Variants in QSOX1 observed in about 807,000 individuals in gnomAD.
QSOX1 encodes the protein sulfhydryl oxidase 1.
QSOX1 carries 40 observed loss-of-function variants against 76.1 expected under a neutral mutation model. The ratio of observed to expected loss-of-function variants is 0.53; its 90% CI spans 0.41 to 0.68. QSOX1 has a LOEUF of 0.68. Among genes scored for constraint, QSOX1 ranks in the 30% least tolerant of loss-of-function variants. QSOX1 has a pLI of 0.00. For missense variants in QSOX1, 931 were observed against 974.3 expected (o/e 0.96, Z 0.59); for synonymous variants, 392 against 413.1 (o/e 0.95, Z 0.62).
rs1663605373 is a variant in QSOX1 at position 180,200,192 on chromosome 1, T to C, written c.*3155T>C. 1 of 152,188 alleles carries C rather than the reference T, an allele frequency of 6.6e-6. No homozygotes were observed. Among genetic ancestry groups the C allele is most frequent in the South Asian group, 2.1e-4 (1 of 4,826 alleles). 9.4% of individuals were successfully genotyped at this position (152,188 alleles called of 1,614,324 possible). A position where few individuals can be genotyped will look rare whatever the true frequency, so the allele number is the denominator to read the frequency against. On this transcript the variant is annotated 3_prime_UTR_variant, in exon 12 of 12. Transcript: ENST00000367602. ...GTGTGACTTTGGGCAAGATAACTTA[T>C]CCCCTTGTCCCCATGTGTCATTGGA... is the stretch of plus-strand genomic sequence containing the variant.
chr1:180,194,204 G>A lies in QSOX1; in HGVS notation c.1289-9G>A. The A allele has an allele frequency of 1.9e-6, 3 of 1,609,214 alleles. No individual in the cohort carries two copies. Among genetic ancestry groups the A allele is most frequent in the South Asian group, 1.1e-5 (1 of 90,544 alleles). ...AGGGCTGGTGCGTGGCATCTCCTCT[G>A]CCCTGTAGCCAAGGCCAAGGAGGTC... is the stretch of plus-strand genomic sequence containing the variant. On this transcript the variant is annotated splice_polypyrimidine_tract_variant and intron_variant, in intron 10 of 11. Transcript: ENST00000367602.
At chr1:180,157,481 C>A (rs2149228112) in intron 1 of QSOX1, among the ~76,000 whole-genome samples, 1 of 152,296 alleles carries the variant, frequency 6.6e-6, no homozygotes, top group East Asian at 1.9e-4. Context: ...GAGTACTGCC[C>A]ATGCTCTCTG....
rs947888255 is a variant in QSOX1, at chr1:180,196,557, C to A, written c.1764C>A (p.Ser588=). ...LDPGKPEMMK[S]PTNTTPHVPA... is the part of the protein sequence containing the mutation. ...CTGGGAAGCCTGAGATGATGAAGTC[C>A]CCCACAAACACCACCCCACATGTGC... is the stretch of plus-strand genomic sequence containing the variant. The change falls in exon 12 of 12, where the codon TCC becomes TCA. Residue 588 remains serine (S), a synonymous_variant. Coordinates refer to ENST00000367602, the MANE Select transcript of QSOX1 (RefSeq NM_002826.5). This position sits in a 1 kb window ranked among gnomAD's most constrained non-coding sequence, Gnocchi z 4.1. The A allele has an allele frequency of 1.7e-5, 27 of 1,614,180 alleles. No individual in the cohort carries two copies. The highest frequency in any genetic ancestry group is 2.2e-5 in the Non-Finnish European group (26 of 1,180,026).
chr1:180,155,277 C>A lies in QSOX1; in HGVS notation c.265+105C>A, dbSNP rs557062458. On this transcript the variant is annotated intron_variant, in intron 1 of 11. Transcript: ENST00000367602. ...CGGGAGCGCGTCCCTCTTCCAGTCA[C>A]CTCCGCCCACCTCTTCCTCTCCGCG... The A allele has an allele frequency of 7.3e-5, 75 of 1,028,218 alleles. No individual in the cohort carries two copies. In the South Asian group the frequency reaches 8.9e-4, roughly 12 times the overall value. The allele number at this position is 1,028,218 out of a possible 1,614,324, so 63.7% of individuals were successfully genotyped here. A position where few individuals can be genotyped will look rare whatever the true frequency, so the allele number is the denominator to read the frequency against.
In QSOX1 at chr1:180,198,519, A is replaced by G. The variant is rs1007334657; in HGVS notation, c.*1482A>G. 2.5e-6 allele frequency: 1 copy of G among 407,842 alleles called. No individual in the cohort carries two copies. Among genetic ancestry groups the G allele is most frequent in the African/African-American group, 2.0e-5 (1 of 48,982 alleles). The allele number at this position is 407,842 out of a possible 1,614,324, so 25.3% of individuals were successfully genotyped here. On this transcript the variant is annotated 3_prime_UTR_variant, in exon 12 of 12. Transcript: ENST00000367602. ...TCAATCCGATTTGGTTTTCTCTTTG[A>G]CATCTTCACTCTGCTCAGATGGCCT...
At chr1:180,184,886 G>C (rs1007664977) in intron 7 of QSOX1, among the ~76,000 whole-genome samples, 16 of 152,230 alleles carry the variant, frequency 1.1e-4, no homozygotes, top group Non-Finnish European at 2.2e-4. Flanking sequence ...AGGAAAGAGA[G>C]AGTGAGGGGT....
At chr1:180,158,320 C>T (rs1397354413) in intron 1 of QSOX1, among the ~76,000 whole-genome samples, 1 of 152,166 alleles carries the variant, frequency 6.6e-6, no homozygotes, top group East Asian at 1.9e-4. Flanking sequence ...TTGGTTTTGC[C>T]CCCCTTCTCT....
At chr1:180,166,660 A>C in intron 2 of QSOX1, 69 bp downstream of exon 2, 1 of 1,452,208 alleles carries the variant, frequency 6.9e-7, no homozygotes. Flanking sequence ...GAAAGGGACC[A>C]TGTGGGATGT....
At chr1:180,174,503 G>A (rs1422014604) in intron 2 of QSOX1, among the ~76,000 whole-genome samples, 1 of 152,188 alleles carries the variant, frequency 6.6e-6, no homozygotes, top group East Asian at 1.9e-4. Context: ...GGGACTTAGT[G>A]GACAGAGACA....
At chr1:180,163,693 G>A (rs549069257) in intron 1 of QSOX1, among the ~76,000 whole-genome samples, 171 of 152,244 alleles carry the variant, frequency 1.1e-3, no homozygotes, top group African/African-American at 3.8e-3. Flanking sequence ...TAAAATAACC[G>A]TAAGAGGAGG....
chr1:180,168,977 G>A (rs531511716), intron 2 of QSOX1, among the ~76,000 whole-genome samples: 76 of 152,332 alleles, frequency 5.0e-4, no homozygotes, highest in African/African-American at 1.8e-3. Context: ...GGTATGATGG[G>A]GACAGGCCCA....
At chr1:180,178,764 CAG>C (rs1251159124) in intron 4 of QSOX1, 28 bp from the exon 5 acceptor site, 22 of 1,593,992 alleles carry the variant, frequency 1.4e-5, no homozygotes, top group African/African-American at 6.7e-5. Context: ...GCTGGCTGTG[CAG>C]AGTGACTGCC....
At chr1:180,194,537 C>A in intron 11 of QSOX1, 145 bp downstream of exon 11, 1 of 720,724 alleles carries the variant, frequency 1.4e-6, no homozygotes, top group Non-Finnish European at 2.1e-6. Context: ...ATGCCAGTAT[C>A]ATCAGCCCCA....
At chr1:180,186,328 C>A in intron 8 of QSOX1, 146 bp downstream of exon 8, 1 of 1,131,110 alleles carries the variant, frequency 8.8e-7, no homozygotes, top group Non-Finnish European at 1.2e-6. Flanking sequence ...CCCTGTCCAC[C>A]ATAGGTGATA....
At chr1:180,192,277 C>G (rs924297312) in intron 10 of QSOX1, among the ~76,000 whole-genome samples, 1 of 152,046 alleles carries the variant, frequency 6.6e-6, no homozygotes, top group East Asian at 1.9e-4. Flanking sequence ...AGAGACAGGC[C>G]GGGGGCGGAG....
chr1:180,174,629 T>G (rs1330250902), intron 2 of QSOX1, among the ~76,000 whole-genome samples: 1 of 152,214 alleles, frequency 6.6e-6, no homozygotes, highest in Non-Finnish European at 1.5e-5. Context: ...CAGATGAGTC[T>G]GCAAAGGAAA....
intron 1 of QSOX1, among the ~76,000 whole-genome samples, chr1:180,158,124 A>T (rs991112524): frequency 4.6e-5 from 7 of 152,226 alleles, no homozygotes; most frequent in African/African-American, 1.7e-4. Context: ...AAAACAGGTA[A>T]GTAACTTTCC....
Position 180,200,375 on chromosome 1 carries a change from A to G in QSOX1, c.*3338A>G, listed in dbSNP as rs1361151970. ...TGGAGGGGGGTGCCGTTCCCACAGG[A>G]TATTCTGTGAAGGGTGTCCCTGGAG... is the stretch of plus-strand genomic sequence containing the variant. On this transcript the variant is annotated 3_prime_UTR_variant, in exon 12 of 12. Transcript: ENST00000367602. The G allele has an allele frequency of 6.6e-6, 1 of 152,046 alleles. No homozygotes were observed. The highest frequency in any genetic ancestry group is 1.5e-5 in the Non-Finnish European group (1 of 68,044). The allele number at this position is 152,046 out of a possible 1,614,324, so 9.4% of individuals were successfully genotyped here.
rs932414970 is a variant in QSOX1 at position 180,201,536 on chromosome 1, G to C, written c.*4499G>C. 6.6e-6 allele frequency: 1 copy of C among 152,226 alleles called. No individual in the cohort carries two copies. The highest frequency in any genetic ancestry group is 1.5e-5 in the Non-Finnish European group (1 of 68,084). The allele number at this position is 152,226 out of a possible 1,614,324, so 9.4% of individuals were successfully genotyped here. On this transcript the variant is annotated 3_prime_UTR_variant, in exon 12 of 12. Transcript: ENST00000367602. Reference sequence around the variant, plus strand: ...CAGGGCGATAGGATTCCCACCCCTAGCTTTAAGAACTAAACCAAACTTCAA... The same window carrying C: ...CAGGGCGATAGGATTCCCACCCCTACCTTTAAGAACTAAACCAAACTTCAA...
Sources: gnomAD v4.1 joint callset for allele counts (sites outside exome capture counted in the v4.1 genomes callset) on GRCh38, gnomAD v4.1.1 for gene constraint, Gnocchi (gnomAD v3.1) non-coding constraint, MANE v1.5 for transcripts, NCBI Gene and HGNC (gene_info 2026-07-23, HGNC 2026-07-21) for gene names.